Variants in WASHC2A observed in about 807,000 individuals in gnomAD.
WASHC2A encodes the protein WASH complex subunit 2A.
A neutral mutation model predicts 140.3 loss-of-function variants in WASHC2A; 82 were observed. The observed-to-expected ratio is 0.58, with a 90% CI of 0.49 to 0.70. WASHC2A has a LOEUF of 0.70. Ranked by LOEUF, WASHC2A falls within the 30% of genes least tolerant of loss-of-function variation. The probability of loss-of-function intolerance (pLI) is 0.00; values close to 1 mark genes in which losing one functional copy is unlikely to be tolerated. For missense variants in WASHC2A, 985 were observed against 1,521.8 expected (o/e 0.65, Z 5.87); for synonymous variants, 340 against 560.8 (o/e 0.61, Z 5.56).
chr10:50,130,023 C>T lies in WASHC2A; in HGVS notation c.3692C>T (p.Thr1231Ile), dbSNP rs1843799533. 6.2e-7 allele frequency: 1 copy of T among 1,611,794 alleles called. No homozygotes were observed. The highest frequency in any genetic ancestry group is 1.3e-5 in the African/African-American group (1 of 74,834). ...AGTCAGCAGGATGTCATATTAACAA[C>T]ACAAGATATTTTTGAGGTAATAGGA... is the stretch of plus-strand genomic sequence containing the variant. ...SNSQQDVILT[T>I]QDIFEDDIFA... The change falls in exon 29 of 31, where the codon ACA becomes ATA. Residue 1231 changes from threonine to isoleucine, a missense_variant. Transcript: ENST00000282633.
At position 50,106,329 on chromosome 10, in the gene WASHC2A, T is replaced by C; in HGVS notation, c.1738-5T>C. ...GTCTTACCTTTCTGCCATTTGCTTT[T>C]CTAGGATAATCTTTTTGGGGGTACA... On this transcript the variant is annotated splice_polypyrimidine_tract_variant and splice_region_variant and intron_variant, in intron 18 of 30. Transcript: ENST00000282633. The C allele has an allele frequency of 6.2e-7, 1 of 1,611,746 alleles. No homozygotes were observed. The highest frequency in any genetic ancestry group is 8.5e-7 in the Non-Finnish European group (1 of 1,179,812).
At position 50,129,664 on chromosome 10, in the gene WASHC2A, G is replaced by A; in HGVS notation, c.3333G>A (p.Val1111=). The A allele has an allele frequency of 6.2e-7, 1 of 1,612,074 alleles. No individual in the cohort carries two copies. Among genetic ancestry groups the A allele is most frequent in the Non-Finnish European group, 8.5e-7 (1 of 1,179,868 alleles). ...GGGAAGGTGGTCCTGTGCCTGGAGT[G>A]GACAGAAGCCCCTTTGCAAAGTCTC... ...APWEGGPVPG[V]DRSPFAKSLG... The change falls in exon 29 of 31, where the codon GTG becomes GTA. Residue 1111 remains valine, a synonymous_variant. Coordinates refer to ENST00000282633, the MANE Select transcript of WASHC2A (RefSeq NM_001005751.3).
intron 2 of WASHC2A, among the ~76,000 whole-genome samples, chr10:50,068,792 A>G (rs1837529720): frequency 6.7e-6 from 1 of 149,684 alleles, no homozygotes; most frequent in Admixed American, 6.6e-5. Flanking sequence ...ATCTTGGCTC[A>G]CTGAATCCTC....
chr10:50,090,516 A>ATATATATATATATTTT (rs1839819205), intron 8 of WASHC2A, among the ~76,000 whole-genome samples: 1 of 42,306 alleles, frequency 2.4e-5, no homozygotes, highest in Non-Finnish European at 4.8e-5. Flanking sequence ...AAAAAAAAAA[A>ATATATATATATATTTT]TATATATATA....
At position 50,097,663 on chromosome 10, in the gene WASHC2A, T is replaced by C. The variant is rs541235359; in HGVS notation, c.1421-12T>C. 8.5e-5 allele frequency: 134 copies of C among 1,577,554 alleles called. No homozygotes were observed. The African/African-American group carries it at 1.5e-3, about 18-fold the overall frequency. On this transcript the variant is annotated splice_polypyrimidine_tract_variant and intron_variant, in intron 15 of 30. Transcript: ENST00000282633. Reference sequence around the variant, plus strand: ...ACGTTAGTGTCATTTTATGCCTTGGTATTTTTTACAGGCAAAGTCCAATCC... The same window carrying C: ...ACGTTAGTGTCATTTTATGCCTTGGCATTTTTTACAGGCAAAGTCCAATCC...
chr10:50,067,980 G>C lies in WASHC2A; in HGVS notation c.-26G>C. ...GTCCTCGGCGTGTGCTGGCAGCTTC[G>C]GAGCCCACCGAGCCGGGCGGCTAGG... On this transcript the variant is annotated 5_prime_UTR_variant, in exon 1 of 31. Coordinates refer to ENST00000282633, the MANE Select transcript of WASHC2A (RefSeq NM_001005751.3). The C allele has an allele frequency of 1.2e-6, 2 of 1,602,980 alleles. No homozygotes were observed. Among genetic ancestry groups the C allele is most frequent in the Non-Finnish European group, 1.7e-6 (2 of 1,176,372 alleles).
intron 18 of WASHC2A, among the ~76,000 whole-genome samples, chr10:50,104,635 G>A (rs1282931269): frequency 2.0e-5 from 3 of 152,218 alleles, no homozygotes; most frequent in African/African-American, 7.2e-5. Flanking sequence ...AGGATTACAG[G>A]TGTGAGCCAC....
chr10:50,084,680 C>T (rs1339987061), intron 6 of WASHC2A, among the ~76,000 whole-genome samples: 162 of 150,390 alleles, frequency 1.1e-3, no homozygotes, highest in African/African-American at 3.5e-3. Flanking sequence ...CTGCCCGCCT[C>T]GGCCTCCCAA....
At chr10:50,089,970 C>T (rs1839728371) in intron 8 of WASHC2A, among the ~76,000 whole-genome samples, 1 of 151,072 alleles carries the variant, frequency 6.6e-6, no homozygotes, top group African/African-American at 2.4e-5. Flanking sequence ...ATTAGCCGGG[C>T]GTGGTGGCGG....
At position 50,115,573 on chromosome 10, in the gene WASHC2A, A is replaced by G. The variant is rs1842605524; in HGVS notation, c.2142+1576A>G. Among the ~76,000 whole-genome samples, 3 of 137,186 alleles carry G rather than the reference A, an allele frequency of 2.2e-5. No individual in the cohort carries two copies. The South Asian group carries it at 7.5e-4, about 34-fold the overall frequency. The allele number at this position is 137,186 out of a possible 152,430, so 90.0% of individuals were successfully genotyped here. On this transcript the variant is annotated intron_variant, in intron 21 of 30. Coordinates refer to ENST00000282633, the MANE Select transcript of WASHC2A (RefSeq NM_001005751.3). ...TTTTCCTCATTAGCCTTTTACCCTA[A>G]TGAGTACATAGGGGTCGCAGTTGCA... is the stretch of plus-strand genomic sequence containing the variant.
In WASHC2A at chr10:50,069,610, C is replaced by T; in HGVS notation, c.190C>T (p.Gln64Ter). 6.2e-7 allele frequency: 1 copy of T among 1,613,940 alleles called. No individual in the cohort carries two copies. The highest frequency in any genetic ancestry group is 8.5e-7 in the Non-Finnish European group (1 of 1,179,860). Residue 64 changes from glutamine to a stop codon, truncating the protein, a stop_gained, in exon 3 of 31, where the codon CAA becomes TAA. Transcript: ENST00000282633. LOFTEE classifies it high-confidence loss of function. The part of the protein sequence containing the change: ...TISRTHEIKK[Q>*]VDGLIRETKA... ...CTCTAGGACCCATGAAATCAAGAAA[C>T]AAGTGGACGGACTAATTCGGGAAAC...
intron 2 of WASHC2A, among the ~76,000 whole-genome samples, chr10:50,069,252 C>G (rs552732513): frequency 6.6e-6 from 1 of 150,834 alleles, no homozygotes; most frequent in Admixed American, 6.6e-5. Flanking sequence ...TGGTGAAACC[C>G]CGTCTCTACT....
intron 3 of WASHC2A, among the ~76,000 whole-genome samples, chr10:50,071,691 G>A (rs1554876304): frequency 2.7e-5 from 4 of 148,806 alleles, no homozygotes; most frequent in African/African-American, 1.0e-4. Context: ...AAGAAATGGG[G>A]AACATCATAC....
intron 16 of WASHC2A, among the ~76,000 whole-genome samples, chr10:50,098,385 A>G (rs1840710857): frequency 6.6e-6 from 1 of 151,314 alleles, no homozygotes; most frequent in Non-Finnish European, 1.5e-5. Flanking sequence ...TTTTGGCATT[A>G]GGGACATAAG....
intron 23 of WASHC2A, among the ~76,000 whole-genome samples, chr10:50,121,185 A>G (rs1199412431): frequency 6.7e-6 from 1 of 150,284 alleles, no homozygotes; most frequent in Non-Finnish European, 1.5e-5. Flanking sequence ...TTCAGATTGG[A>G]AAGGAAAAAG....
rs1431514689 is a variant in WASHC2A at position 50,078,864 on chromosome 10, A to C, written c.354+127A>C. The C allele has an allele frequency of 1.9e-6, 3 of 1,580,648 alleles. No individual in the cohort carries two copies. In the African/African-American group the frequency reaches 4.1e-5, roughly 21 times the overall value. The stretch of plus-strand genomic sequence containing the variant: ...AAAGGGAGGGACTGCTCCTGACAGC[A>C]GCCCAAGAGGGGATTCTTTCCTTTG... On this transcript the variant is annotated intron_variant, in intron 4 of 30. Transcript: ENST00000282633.
Position 50,068,321 on chromosome 10 carries a change from C to T in WASHC2A, c.126+94C>T, listed in dbSNP as rs1359521250. 14 of 1,295,186 alleles carry T rather than the reference C, an allele frequency of 1.1e-5. No individual in the cohort carries two copies. The African/African-American group carries it at 1.8e-4, about 17-fold the overall frequency. 80.2% of individuals were successfully genotyped at this position (1,295,186 alleles called of 1,614,324 possible). On this transcript the variant is annotated intron_variant, in intron 2 of 30. Transcript: ENST00000282633. ...ACCGCGACTGCCCCTGCACCTGGCC[C>T]GTCCCGTTGCCTGCCCTCTTAGGAA... is the stretch of plus-strand genomic sequence containing the variant.
chr10:50,126,231 A>T, intron 26 of WASHC2A, 52 bp downstream of exon 26: 1 of 1,611,634 alleles, frequency 6.2e-7, no homozygotes, highest in Non-Finnish European at 8.5e-7. Flanking sequence ...CCCAGTACAG[A>T]GAAATTCCAT....
Position 50,131,079 on chromosome 10 carries a change from G to A in WASHC2A, c.3886+1G>A. 3.1e-6 allele frequency: 5 copies of A among 1,611,904 alleles called. No individual in the cohort carries two copies. Among genetic ancestry groups the A allele is most frequent in the Non-Finnish European group, 4.2e-6 (5 of 1,179,822 alleles). ...AAGTCTATATTTGATGATGATATGG[G>A]TAAGTTTGGTTTTCTACATCTGACC... On this transcript the variant is annotated splice_donor_variant, in intron 30 of 30. Coordinates refer to ENST00000282633, the MANE Select transcript of WASHC2A (RefSeq NM_001005751.3). LOFTEE classifies it high-confidence loss of function.
Sources: allele counts gnomAD v4.1 joint callset (sites outside exome capture counted in the v4.1 genomes callset), GRCh38; gene constraint gnomAD v4.1.1; transcripts MANE v1.5; gene names NCBI Gene and HGNC (gene_info 2026-07-23, HGNC 2026-07-21).